DOCK4: variants seen among roughly 807,000 people sequenced by gnomAD.
The protein encoded by DOCK4 is dedicator of cytokinesis protein 4.
In DOCK4, 97 loss-of-function variants were observed where a neutral mutation model predicts 268.1. That is an observed-to-expected ratio of 0.36 (90% confidence interval 0.31 to 0.43). The LOEUF (loss-of-function observed/expected upper bound fraction) is 0.43, where lower values mean the gene tolerates loss of function less well. Among genes scored for constraint, DOCK4 ranks in the 20% least tolerant of loss-of-function variants. The probability of loss-of-function intolerance (pLI) is 1.00; values close to 1 mark genes in which losing one functional copy is unlikely to be tolerated. For missense variants in DOCK4, 2,145 were observed against 2,455.7 expected, an observed-to-expected ratio of 0.87 and a Z score of 2.67; for synonymous variants, 954 against 887.2, an observed-to-expected ratio of 1.08 and a Z score of -1.34.
chr7:111,995,441 GTGTGTGTGTGTGTGTGTA>G (rs1399785610), intron 4 of DOCK4, among the ~76,000 whole-genome samples: 28 of 103,754 alleles, frequency 2.7e-4, no homozygotes, highest in African/African-American at 8.2e-4. Context: ...GTGTGTGTGT[GTGTGTGTGTGTGTGTGTA>G]TGTGCAGGTG....
chr7:111,935,406 A>C, intron 12 of DOCK4, 134 bp downstream of exon 12: 1 of 757,540 alleles, frequency 1.3e-6, no homozygotes, highest in East Asian at 2.6e-5. Flanking sequence ...CAGAATGTTC[A>C]TTGAGCATTT....
At chr7:112,133,229 C>T (rs35845) in intron 1 of DOCK4, among the ~76,000 whole-genome samples, 49,482 of 151,902 alleles carry the variant, frequency 0.33, 9,461 homozygotes, top group South Asian at 0.47. Context: ...CCTTCAAATG[C>T]AGAAACATTT....
At chr7:111,762,952 G>C (rs1341034820) in intron 39 of DOCK4, among the ~76,000 whole-genome samples, 1 of 151,412 alleles carries the variant, frequency 6.6e-6, no homozygotes, top group African/African-American at 2.4e-5. Flanking sequence ...ACTTTTAGTA[G>C]AGATGGGGTC....
At chr7:111,815,108 T>C (rs1563542153) in intron 27 of DOCK4, among the ~76,000 whole-genome samples, 1 of 152,166 alleles carries the variant, frequency 6.6e-6, no homozygotes, top group African/African-American at 2.4e-5. Context: ...GAAGCAAATA[T>C]AAAAAATACT....
chr7:112,113,313 G>A (rs1811833456), intron 1 of DOCK4, among the ~76,000 whole-genome samples: 1 of 152,174 alleles, frequency 6.6e-6, no homozygotes, highest in Non-Finnish European at 1.5e-5. Flanking sequence ...GGGATGAGGA[G>A]GAGAGGGCAA....
intron 1 of DOCK4, among the ~76,000 whole-genome samples, chr7:112,190,009 T>G (rs150063798): frequency 2.6e-4 from 39 of 152,304 alleles, no homozygotes; most frequent in African/African-American, 8.4e-4. Context: ...CACAAACACT[T>G]GTTTTCCTCT....
At chr7:111,770,745 G>C (rs949337543) in intron 36 of DOCK4, among the ~76,000 whole-genome samples, 3 of 152,122 alleles carry the variant, frequency 2.0e-5, no homozygotes, top group African/African-American at 7.2e-5. Context: ...TCCACCTCAG[G>C]TTTCTCAAAA....
chr7:111,905,544 C>T lies in DOCK4; in HGVS notation c.1193-3743G>A, dbSNP rs188481317. ...CTTGACCTAGATGGGTAAGAGTTTCCGTCAGTAGTTGAAAACTGTAATCCT... is the reference window on the plus strand; with the variant it reads ...CTTGACCTAGATGGGTAAGAGTTTCTGTCAGTAGTTGAAAACTGTAATCCT... On this transcript the variant is annotated intron_variant, in intron 13 of 52. Coordinates refer to ENST00000428084, the MANE Select transcript of DOCK4 (RefSeq NM_001363540.2). Among the ~76,000 whole-genome samples, 51 of 152,242 alleles carry T rather than the reference C, an allele frequency of 3.3e-4. 1 individual carries two copies. The highest frequency in any genetic ancestry group is 2.6e-4 in the Admixed American group (4 of 15,292).
chr7:112,111,550 A>G (rs1422717203), intron 1 of DOCK4, among the ~76,000 whole-genome samples: 1 of 151,946 alleles, frequency 6.6e-6, no homozygotes, highest in Non-Finnish European at 1.5e-5. Flanking sequence ...TTTTATTTTA[A>G]TTCTAGACAG....
chr7:111,747,707 C>T (rs1796366725), intron 42 of DOCK4, among the ~76,000 whole-genome samples: 1 of 152,094 alleles, frequency 6.6e-6, no homozygotes, highest in Non-Finnish European at 1.5e-5. Flanking sequence ...CTGCAACAAC[C>T]AATTTAATCC....
chr7:111,741,309 A>C, intron 46 of DOCK4, 95 bp from the exon 47 acceptor site: 2 of 1,520,610 alleles, frequency 1.3e-6, no homozygotes, highest in Non-Finnish European at 1.8e-6. Flanking sequence ...GGGAAAATAC[A>C]TTCCGTTTTG....
At chr7:112,096,287 C>T (rs898320038) in intron 1 of DOCK4, among the ~76,000 whole-genome samples, 2 of 152,050 alleles carry the variant, frequency 1.3e-5, no homozygotes, top group African/African-American at 4.8e-5. Context: ...ACGATACTCC[C>T]ACCTGTGTAT....
At chr7:112,172,294 T>A (rs1288761351) in intron 1 of DOCK4, among the ~76,000 whole-genome samples, 1 of 152,194 alleles carries the variant, frequency 6.6e-6, no homozygotes, top group South Asian at 2.1e-4. Flanking sequence ...CCTGCAGAAA[T>A]AAGAATACTT....
At chr7:112,102,143 A>G (rs1316357069) in intron 1 of DOCK4, among the ~76,000 whole-genome samples, 2 of 152,164 alleles carry the variant, frequency 1.3e-5, no homozygotes, top group Non-Finnish European at 2.9e-5. Flanking sequence ...GGTTCTTGCT[A>G]TAACGCTCCT....
chr7:111,745,435 C>A (rs1796193853), intron 44 of DOCK4, among the ~76,000 whole-genome samples: 2 of 151,956 alleles, frequency 1.3e-5, no homozygotes, highest in South Asian at 2.1e-4. Flanking sequence ...GTAATCCCAG[C>A]ACTTTGGGAG....
At chr7:111,783,781 T>C (rs1383812407) in intron 34 of DOCK4, 76 bp downstream of exon 34, 17 of 1,282,772 alleles carry the variant, frequency 1.3e-5, no homozygotes. Flanking sequence ...AGTGGAACGT[T>C]GATTGTATTC....
At chr7:112,143,254 C>A (rs373772641) in intron 1 of DOCK4, among the ~76,000 whole-genome samples, 3 of 152,098 alleles carry the variant, frequency 2.0e-5, no homozygotes, top group African/African-American at 7.2e-5. Flanking sequence ...GAGACCTCCA[C>A]AGCAGTGGAA....
chr7:111,943,549 A>T (rs955186618), intron 10 of DOCK4, among the ~76,000 whole-genome samples: 3 of 152,242 alleles, frequency 2.0e-5, no homozygotes, highest in African/African-American at 7.2e-5. Context: ...TTGAATTTAA[A>T]GAAACACAGA....
intron 8 of DOCK4, among the ~76,000 whole-genome samples, chr7:111,974,492 A>ATGTGTGTGTGTGTGTG (rs59409689): frequency 3.6e-5 from 3 of 84,324 alleles, no homozygotes; most frequent in African/African-American, 1.3e-4. Context: ...TTGAAGAGGG[A>ATGTGTGTGTGTGTGTG]TGTGTGTGTG....
Sources: allele counts gnomAD v4.1 joint callset (sites outside exome capture counted in the v4.1 genomes callset), GRCh38; gene constraint gnomAD v4.1.1; transcripts MANE v1.5; gene names NCBI Gene and HGNC (gene_info 2026-07-23, HGNC 2026-07-21).